The following ABCC8 variants were observed in gnomAD, a reference collection of about 807,000 sequenced individuals.
ABCC8 encodes the protein ATP-binding cassette sub-family C member 8.
Under a neutral mutation model 188.0 loss-of-function variants are expected in ABCC8, and 137 were observed. The ratio of observed to expected loss-of-function variants is 0.73; its 90% confidence interval spans 0.63 to 0.84. ABCC8 has a LOEUF of 0.84. Ranked by LOEUF, ABCC8 falls within the 40% of genes least tolerant of loss-of-function variation. The probability of loss-of-function intolerance (pLI) is 0.00; values close to 1 mark genes in which losing one functional copy is unlikely to be tolerated. For synonymous variants in ABCC8, 797 were observed against 846.5 expected (o/e 0.94, Z 1.01); for missense variants, 1,750 against 2,072.7 (o/e 0.84, Z 3.02).
At chr11:17,406,544 A>G (rs1225648062) in intron 26 of ABCC8, 78 bp downstream of exon 26, 5 of 1,447,724 alleles carry the variant, frequency 3.5e-6, no homozygotes, top group Admixed American at 4.0e-5. Flanking sequence ...GTATATCCCC[A>G]TTTTATAGAT....
At chr11:17,417,904 CATGCCTGACTAATTTTTGTAT>C in intron 16 of ABCC8, among the ~76,000 whole-genome samples, 1 of 152,024 alleles carries the variant, frequency 6.6e-6, no homozygotes, top group East Asian at 1.9e-4. Context: ...CACGTACCAC[CATGCCTGACTAATTTTTGTAT>C]ATTTTTTGTA....
intron 21 of ABCC8, among the ~76,000 whole-genome samples, chr11:17,412,393 C>G (rs1313940253): frequency 1.3e-5 from 2 of 152,214 alleles, no homozygotes; most frequent in African/African-American, 4.8e-5. Flanking sequence ...AGGGGTTGGG[C>G]TGTCCCACAG....
intron 3 of ABCC8, among the ~76,000 whole-genome samples, chr11:17,468,363 A>G (rs1848284991): frequency 6.6e-6 from 1 of 152,218 alleles, no homozygotes; most frequent in Non-Finnish European, 1.5e-5. Flanking sequence ...CATAGTGTGA[A>G]CAAAGTCTAA....
At chr11:17,402,182 A>G (rs1054978466) in intron 29 of ABCC8, among the ~76,000 whole-genome samples, 14 of 152,106 alleles carry the variant, frequency 9.2e-5, no homozygotes, top group African/African-American at 3.1e-4. Flanking sequence ...CCTTACACAG[A>G]GAGGTTATAG....
At chr11:17,437,351 C>T (rs1454595309) in intron 10 of ABCC8, among the ~76,000 whole-genome samples, 1 of 152,242 alleles carries the variant, frequency 6.6e-6, no homozygotes, top group Non-Finnish European at 1.5e-5. Flanking sequence ...ACCAGCCTGG[C>T]ATTGCAATAC....
intron 8 of ABCC8, chr11:17,448,077 G>A (rs1054680393): frequency 7.3e-5 from 14 of 192,042 alleles, no homozygotes; most frequent in Non-Finnish European, 1.1e-5. Flanking sequence ...TAGCTTTTAA[G>A]ATCTGTGGGC....
At position 17,446,114 on chromosome 11, in the gene ABCC8, C is replaced by T. The variant is rs765430567; in HGVS notation, c.1332+2402G>A. 1.8e-4 allele frequency among the ~76,000 whole-genome samples: 28 copies of T among 151,906 alleles called. No homozygotes were observed. In the East Asian group the frequency reaches 2.7e-3, roughly 15 times the overall value. ...CGGAGTAGCTGAGACTACAGGCACACGCCATCATGCCCGGCTAATTTTTGT... is the reference window on the plus strand; with the variant it reads ...CGGAGTAGCTGAGACTACAGGCACATGCCATCATGCCCGGCTAATTTTTGT... On this transcript the variant is annotated intron_variant, in intron 8 of 38. Coordinates refer to ENST00000389817, the MANE Select transcript of ABCC8 (RefSeq NM_000352.6).
chr11:17,467,033 CATGT>C (rs1848194838), intron 3 of ABCC8, among the ~76,000 whole-genome samples: 1 of 124,368 alleles, frequency 8.0e-6, no homozygotes, highest in African/African-American at 3.1e-5. Flanking sequence ...TTATGTTAAA[CATGT>C]TAAACCACAC....
intron 1 of ABCC8, among the ~76,000 whole-genome samples, chr11:17,475,300 C>T (rs1206453303): frequency 6.6e-6 from 1 of 152,210 alleles, no homozygotes; most frequent in Non-Finnish European, 1.5e-5. Context: ...TCACTACAGC[C>T]TTGATCTCCT....
chr11:17,432,013 C>CAG (rs1955868407), intron 11 of ABCC8, among the ~76,000 whole-genome samples, 191 bp downstream of exon 11: 1 of 152,196 alleles, frequency 6.6e-6, no homozygotes, highest in Non-Finnish European at 1.5e-5. Flanking sequence ...GGCCTGGAGG[C>CAG]AGAGGCCCCT....
chr11:17,406,669 C>T lies in ABCC8; in HGVS notation c.3282G>A (p.Lys1094=). 6.2e-7 allele frequency: 1 copy of T among 1,614,224 alleles called. No individual in the cohort carries two copies. Among genetic ancestry groups the T allele is most frequent in the Non-Finnish European group, 8.5e-7 (1 of 1,180,036 alleles). Residue 1094 remains lysine (K), a synonymous_variant, in exon 26 of 39, where the codon AAG becomes AAA. Coordinates refer to ENST00000389817, the MANE Select transcript of ABCC8 (RefSeq NM_000352.6). ...GGTTTAGCAGGCTGCGGTGCAGTCTCTTGGCCACCTTCAGCCCTGTCCACT... is the reference window on the plus strand; with the variant it reads ...GGTTTAGCAGGCTGCGGTGCAGTCTTTTGGCCACCTTCAGCCCTGTCCACT... ...TVEWTGLKVA[K]RLHRSLLNRI... is the part of the protein sequence containing the mutation.
At chr11:17,436,115 A>G in intron 10 of ABCC8, 1 of 807,290 alleles carries the variant, frequency 1.2e-6, no homozygotes, top group African/African-American at 1.7e-5. Context: ...TTTCTGGTAC[A>G]GAGCTGAGGG....
At chr11:17,410,224 G>T (rs1164482195) in intron 22 of ABCC8, 2 of 403,302 alleles carry the variant, frequency 5.0e-6, no homozygotes, top group Non-Finnish European at 4.6e-6. Flanking sequence ...GAATCAGAAG[G>T]TGAGAAGTGA....
chr11:17,407,109 C>T lies in ABCC8; in HGVS notation c.2941G>A (p.Glu981Lys). 1.9e-6 allele frequency: 3 copies of T among 1,613,038 alleles called. No homozygotes were observed. The highest frequency in any genetic ancestry group is 2.5e-6 in the Non-Finnish European group (3 of 1,179,942). Residue 981 changes from glutamate to lysine, a missense_variant, in exon 25 of 39, where the codon GAG becomes AAG. By Grantham distance (56) the Glu-to-Lys change is moderately conservative. Transcript: ENST00000389817. Reference sequence around the variant, plus strand: ...AGCATGGACGACAGGTTGTCATCCTCCTCGCTCTCAGCTGCCTCCTCTGCA... The same window carrying T: ...AGCATGGACGACAGGTTGTCATCCTTCTCGCTCTCAGCTGCCTCCTCTGCA... ...EEEEEAAESE[E>K]DDNLSSMLHQ...
Position 17,395,949 on chromosome 11 carries a change from GCACCGCCA to G in ABCC8, c.4120-27_4120-20del. ...TCCCGATCTGGAAAGAGAGAAGCAG[GCACCGCCA>G]CTGGGACTCTGGGGCTGCTGGGAAT... On this transcript the variant is annotated intron_variant, in intron 33 of 38. Transcript: ENST00000389817. The G allele has an allele frequency of 6.4e-7, 1 of 1,561,598 alleles. No individual in the cohort carries two copies. Among genetic ancestry groups the G allele is most frequent in the Non-Finnish European group, 8.7e-7 (1 of 1,151,420 alleles).
At chr11:17,408,053 C>T (rs901962350) in intron 23 of ABCC8, 1 of 269,856 alleles carries the variant, frequency 3.7e-6, no homozygotes, top group Non-Finnish European at 7.2e-6. Context: ...CTATGACACA[C>T]CTGGACTTTT....
chr11:17,430,351 T>C (rs1039410751), intron 12 of ABCC8: 14 of 295,618 alleles, frequency 4.7e-5, no homozygotes, highest in African/African-American at 3.0e-4. Flanking sequence ...TTTCACTGGC[T>C]GAGGCTGTGA....
intron 7 of ABCC8, among the ~76,000 whole-genome samples, chr11:17,450,001 A>G (rs1956698232): frequency 6.6e-6 from 1 of 152,248 alleles, no homozygotes; most frequent in South Asian, 2.1e-4. Context: ...AAGTAGGGAC[A>G]CCAAGTGATC....
chr11:17,442,739 G>T lies in ABCC8; in HGVS notation c.1611C>A (p.Ala537=). ...RKEMTSLRAF[A]IYTSISIFMN... is the part of the protein sequence containing the mutation. ...ACTCACTGGAGATGGAGGTATAGAT[G>T]GCAAAGGCCCTGAGGCTGGTCATCT... Residue 537 remains alanine, a synonymous_variant, in exon 10 of 39, where the codon GCC becomes GCA. Coordinates refer to ENST00000389817, the MANE Select transcript of ABCC8 (RefSeq NM_000352.6). The T allele has an allele frequency of 6.2e-7, 1 of 1,613,786 alleles. No individual in the cohort carries two copies.
Sources: allele counts gnomAD v4.1 joint callset (sites outside exome capture counted in the v4.1 genomes callset), GRCh38; gene constraint gnomAD v4.1.1; transcripts MANE v1.5; gene names NCBI Gene and HGNC (gene_info 2026-07-23, HGNC 2026-07-21).